RASGEF1C: variants seen among roughly 807,000 people sequenced by gnomAD.
RASGEF1C encodes RasGEF domain family member 1C.
A neutral mutation model predicts 58.1 loss-of-function variants in RASGEF1C; 27 were observed. The observed-to-expected ratio is 0.46, with a 90% CI of 0.34 to 0.64. The LOEUF is 0.64. RASGEF1C is among the 30% of genes least tolerant of loss of function. The pLI is 0.01. For synonymous variants in RASGEF1C, 243 were observed against 246.3 expected, an observed-to-expected ratio of 0.99 and a Z score of 0.13; for missense variants, 502 against 605.1, an observed-to-expected ratio of 0.83 and a Z score of 1.79.
intron 1 of RASGEF1C, among the ~76,000 whole-genome samples, chr5:180,179,586 T>C (rs1196494342): frequency 2.6e-5 from 4 of 152,102 alleles, no homozygotes; most frequent in Admixed American, 6.5e-5. Flanking sequence ...CAGTGATCAA[T>C]ACAGCAGCTG....
intron 4 of RASGEF1C, among the ~76,000 whole-genome samples, chr5:180,129,655 G>C (rs1309544773): frequency 6.6e-6 from 1 of 152,202 alleles, no homozygotes; most frequent in African/African-American, 2.4e-5. Flanking sequence ...TGATGATGCC[G>C]ACTGCCACCC....
intron 1 of RASGEF1C, among the ~76,000 whole-genome samples, chr5:180,181,760 TTTG>T (rs1767332357): frequency 6.6e-6 from 1 of 152,188 alleles, no homozygotes; most frequent in African/African-American, 2.4e-5. Flanking sequence ...TCTGTGACAC[TTTG>T]TTAAGGCAGC....
intron 1 of RASGEF1C, among the ~76,000 whole-genome samples, chr5:180,142,652 A>C (rs1182675648): frequency 6.6e-6 from 1 of 152,186 alleles, no homozygotes; most frequent in Non-Finnish European, 1.5e-5. Flanking sequence ...ACACACGGTC[A>C]TAACACAGAA....
At chr5:180,126,082 T>C (rs1312116779) in intron 6 of RASGEF1C, among the ~76,000 whole-genome samples, 1 of 141,954 alleles carries the variant, frequency 7.0e-6, no homozygotes, top group Non-Finnish European at 1.5e-5. Flanking sequence ...AAAGTAATAT[T>C]TGGAAATGGC....
chr5:180,101,873 C>T (rs1582255652), intron 13 of RASGEF1C, among the ~76,000 whole-genome samples, 198 bp downstream of exon 13: 2 of 152,320 alleles, frequency 1.3e-5, no homozygotes, highest in Admixed American at 6.5e-5. Flanking sequence ...GCCTCCTCTC[C>T]TCACCCCTAT....
chr5:180,194,431 T>C (rs949943309), intron 1 of RASGEF1C, among the ~76,000 whole-genome samples: 8 of 152,232 alleles, frequency 5.3e-5, no homozygotes, highest in Admixed American at 3.3e-4. Flanking sequence ...AAAGTGCTAA[T>C]ACAATTTGGC....
chr5:180,207,238 T>C (rs1756504714), intron 1 of RASGEF1C, among the ~76,000 whole-genome samples: 1 of 152,216 alleles, frequency 6.6e-6, no homozygotes, highest in Non-Finnish European at 1.5e-5. Context: ...CGGGGTGCAT[T>C]GTGGAGCTAA....
intron 1 of RASGEF1C, among the ~76,000 whole-genome samples, chr5:180,208,811 G>A (rs982251906): frequency 1.3e-4 from 19 of 151,562 alleles, no homozygotes; most frequent in South Asian, 1.2e-3. Context: ...AGGTGGCCGG[G>A]GGTGTGCCCT....
intron 1 of RASGEF1C, among the ~76,000 whole-genome samples, chr5:180,163,196 A>G (rs376300653): frequency 2.0e-4 from 27 of 136,846 alleles, no homozygotes; most frequent in African/African-American, 7.4e-4. Flanking sequence ...TTGCCTTCCA[A>G]TCTGTAGGCT....
At chr5:180,184,739 T>C (rs1264773276) in intron 1 of RASGEF1C, among the ~76,000 whole-genome samples, 1 of 152,224 alleles carries the variant, frequency 6.6e-6, no homozygotes, top group Non-Finnish European at 1.5e-5. Context: ...AGAGCTGGTA[T>C]GTCTATAATT....
At chr5:180,183,792 A>G (rs1288265277) in intron 1 of RASGEF1C, among the ~76,000 whole-genome samples, 1 of 152,130 alleles carries the variant, frequency 6.6e-6, no homozygotes, top group Non-Finnish European at 1.5e-5. Flanking sequence ...ACTGCACTCC[A>G]GCCTGGGAAA....
At chr5:180,193,047 G>GTTTT (rs752384336) in intron 1 of RASGEF1C, among the ~76,000 whole-genome samples, 4,489 of 72,546 alleles carry the variant, frequency 0.062, 85 homozygotes, top group Middle Eastern at 0.13. Flanking sequence ...CGCCCGGCCA[G>GTTTT]TTTTTTTTGT....
chr5:180,199,377 C>G (rs1246600935), intron 1 of RASGEF1C, among the ~76,000 whole-genome samples: 6 of 152,082 alleles, frequency 3.9e-5, no homozygotes, highest in African/African-American at 1.2e-4. Context: ...CTGACCGGAT[C>G]CTGGATATTA....
At chr5:180,183,237 T>C (rs1382747852) in intron 1 of RASGEF1C, among the ~76,000 whole-genome samples, 1 of 152,194 alleles carries the variant, frequency 6.6e-6, no homozygotes, top group Non-Finnish European at 1.5e-5. Flanking sequence ...AAGAAGACAC[T>C]AAAACACAGA....
rs1172391939 is a variant in RASGEF1C at position 180,156,969 on chromosome 5, A to G, written c.-6-18911T>C. On this transcript the variant is annotated intron_variant, in intron 1 of 13. Transcript: ENST00000361132. The surrounding 1 kb of genome is among the most constrained non-coding windows in gnomAD (Gnocchi z 4.9). ...GAAATGCAAATTAGAACAAGATACC[A>G]CTACACACCTACTAGAGTGGTCAAA... 6.6e-6 allele frequency among the ~76,000 whole-genome samples: 1 copy of G among 152,170 alleles called. No homozygotes were observed. The highest frequency in any genetic ancestry group is 1.5e-5 in the Non-Finnish European group (1 of 68,036).
At chr5:180,160,457 T>C (rs1298061088) in intron 1 of RASGEF1C, among the ~76,000 whole-genome samples, 1 of 152,168 alleles carries the variant, frequency 6.6e-6, no homozygotes, top group East Asian at 1.9e-4. Context: ...GTTGGTGACA[T>C]ACACTGACCA....
chr5:180,191,363 A>T (rs1036712222), intron 1 of RASGEF1C, among the ~76,000 whole-genome samples: 3 of 150,668 alleles, frequency 2.0e-5, no homozygotes, highest in African/African-American at 7.3e-5. Context: ...TTATTTACTT[A>T]TTTTTTTTTT....
At position 180,114,556 on chromosome 5, in the gene RASGEF1C, G is replaced by A. The variant is rs781242750; in HGVS notation, c.1084-15C>T. The A allele has an allele frequency of 6.2e-7, 1 of 1,604,248 alleles. No individual in the cohort carries two copies. Among genetic ancestry groups the A allele is most frequent in the Non-Finnish European group, 8.5e-7 (1 of 1,174,128 alleles). On this transcript the variant is annotated splice_polypyrimidine_tract_variant and intron_variant, in intron 10 of 13. Coordinates refer to ENST00000361132, the MANE Select transcript of RASGEF1C (RefSeq NM_175062.4). ...GGAATGACAATCTGGAAGAAAGAGG[G>A]GGCAGGTCGGCCCCAGCCGGCCCTC...
intron 1 of RASGEF1C, among the ~76,000 whole-genome samples, chr5:180,187,451 T>C (rs1031074311): frequency 3.3e-5 from 5 of 152,106 alleles, no homozygotes; most frequent in Admixed American, 6.5e-5. Flanking sequence ...CAAAGGACAT[T>C]ACAAAGAAAG....
Sources: gnomAD v4.1 joint callset for allele counts (sites outside exome capture counted in the v4.1 genomes callset) on GRCh38, gnomAD v4.1.1 for gene constraint, Gnocchi (gnomAD v3.1) non-coding constraint, MANE v1.5 for transcripts, NCBI Gene and HGNC (gene_info 2026-07-23, HGNC 2026-07-21) for gene names.